PTPRN2: variants seen among roughly 807,000 people sequenced by gnomAD.
PTPRN2 encodes the protein protein tyrosine phosphatase receptor type N2.
In PTPRN2, 74 loss-of-function variants were observed where a neutral mutation model predicts 118.8. The observed-to-expected ratio is 0.62, with a 90% confidence interval of 0.52 to 0.76. The LOEUF (loss-of-function observed/expected upper bound fraction) is 0.76, where lower values mean the gene tolerates loss of function less well. PTPRN2 is among the 30% of genes least tolerant of loss of function. The pLI, the probability that PTPRN2 is intolerant of heterozygous loss-of-function variation, is 0.00. For missense variants in PTPRN2, 1,481 were observed against 1,394.4 expected (o/e 1.06, Z -0.99); for synonymous variants, 641 against 608.0 (o/e 1.05, Z -0.80).
At chr7:157,877,405 C>G (rs754383781) in intron 12 of PTPRN2, among the ~76,000 whole-genome samples, 2 of 150,924 alleles carry the variant, frequency 1.3e-5, no homozygotes, top group Non-Finnish European at 3.0e-5. Flanking sequence ...AGTGCAGCGC[C>G]AGGGTTTCCT....
Position 158,543,838 on chromosome 7 carries a change from G to A in PTPRN2, c.112+43720C>T, listed in dbSNP as rs1016330173. Among the ~76,000 whole-genome samples, 12 of 152,274 alleles carry A rather than the reference G, an allele frequency of 7.9e-5. No homozygotes were observed. In the South Asian group the frequency reaches 1.0e-3, roughly 13 times the overall value. On this transcript the variant is annotated intron_variant, in intron 1 of 22. Coordinates refer to ENST00000389418, the MANE Select transcript of PTPRN2 (RefSeq NM_002847.5). ...TGAGACCGGATCTTGTCTGGGTCTC[G>A]GAGCCCAGGACAAGGAAAGGGGTCA...
intron 12 of PTPRN2, among the ~76,000 whole-genome samples, chr7:157,686,022 G>C (rs1797172057): frequency 6.6e-6 from 1 of 152,224 alleles, no homozygotes; most frequent in Non-Finnish European, 1.5e-5. Context: ...GCGCGGGGCC[G>C]CGGGACCTGG....
In PTPRN2 at chr7:158,330,689, T is replaced by A. The variant is rs1222793662; in HGVS notation, c.164-13757A>T. On this transcript the variant is annotated intron_variant, in intron 2 of 22. Transcript: ENST00000389418. ...CAATAAGAGCTGAGGCACAAAGAGG[T>A]CACTCACATCCATACTCTCACCATA... is the stretch of plus-strand genomic sequence containing the variant. Among the ~76,000 whole-genome samples the A allele has an allele frequency of 1.8e-5, 2 of 110,236 alleles. 1 individual carries two copies. Among genetic ancestry groups the A allele is most frequent in the African/African-American group, 5.7e-5 (2 of 34,916 alleles). The allele number at this position is 110,236 out of a possible 152,430, so 72.3% of individuals were successfully genotyped here.
intron 3 of PTPRN2, among the ~76,000 whole-genome samples, chr7:158,226,539 G>A (rs903672208): frequency 5.3e-5 from 8 of 152,270 alleles, no homozygotes; most frequent in Admixed American, 3.3e-4. Context: ...AAACGGAGGC[G>A]GCAGAGCAAG....
chr7:158,106,435 T>C (rs184809736), intron 10 of PTPRN2, among the ~76,000 whole-genome samples: 3 of 152,254 alleles, frequency 2.0e-5, no homozygotes, highest in African/African-American at 7.2e-5. Context: ...ATCACCTCCA[T>C]CCTTGGCTCC....
chr7:157,850,844 A>C (rs1329536420), intron 12 of PTPRN2, among the ~76,000 whole-genome samples: 3 of 152,230 alleles, frequency 2.0e-5, no homozygotes, highest in Non-Finnish European at 4.4e-5. Context: ...ATGCTGTGCC[A>C]CATCAATGTG....
At chr7:158,540,434 G>A (rs908383724) in intron 1 of PTPRN2, among the ~76,000 whole-genome samples, 2 of 152,068 alleles carry the variant, frequency 1.3e-5, no homozygotes, top group Admixed American at 6.5e-5. Flanking sequence ...GGCCCAGCTA[G>A]AGAGTCTATA....
intron 2 of PTPRN2, among the ~76,000 whole-genome samples, chr7:158,333,899 C>T (rs62480911): frequency 1.4e-3 from 169 of 124,260 alleles, no homozygotes; most frequent in African/African-American, 4.9e-3. Context: ...AGAGCTGACA[C>T]CCGCAGACGT....
At chr7:157,906,975 C>T (rs1294022370) in intron 11 of PTPRN2, among the ~76,000 whole-genome samples, 1 of 152,220 alleles carries the variant, frequency 6.6e-6, no homozygotes, top group Non-Finnish European at 1.5e-5. Context: ...GAACCAAAGA[C>T]TCTCACTCAG....
chr7:158,146,867 A>T (rs563550340), intron 6 of PTPRN2, among the ~76,000 whole-genome samples: 3 of 151,986 alleles, frequency 2.0e-5, no homozygotes, highest in South Asian at 2.1e-4. Context: ...TAGAACAAGC[A>T]AACAGTTTAC....
chr7:157,822,064 A>T (rs1279094311), intron 12 of PTPRN2, among the ~76,000 whole-genome samples: 1 of 151,682 alleles, frequency 6.6e-6, no homozygotes, highest in Non-Finnish European at 1.5e-5. Flanking sequence ...TCACTCATCC[A>T]TCCATCTATA....
chr7:158,414,593 C>T (rs749991210), intron 2 of PTPRN2, among the ~76,000 whole-genome samples: 1 of 152,216 alleles, frequency 6.6e-6, no homozygotes, highest in Non-Finnish European at 1.5e-5. Flanking sequence ...GAAGCTGGCA[C>T]GAGCTCACAT....
chr7:158,285,860 C>G (rs1799734891), intron 3 of PTPRN2, among the ~76,000 whole-genome samples: 1 of 152,212 alleles, frequency 6.6e-6, no homozygotes, highest in Non-Finnish European at 1.5e-5. Flanking sequence ...TACCTGTGTC[C>G]ACACCCCTCA....
chr7:158,188,880 T>G (rs1269530345), intron 5 of PTPRN2, among the ~76,000 whole-genome samples: 1 of 152,142 alleles, frequency 6.6e-6, no homozygotes, highest in African/African-American at 2.4e-5. Context: ...TAAATACAAC[T>G]GGTTAGTGTG....
chr7:158,302,866 C>G (rs552518471), intron 3 of PTPRN2, among the ~76,000 whole-genome samples: 2 of 152,228 alleles, frequency 1.3e-5, no homozygotes, highest in South Asian at 4.1e-4. Context: ...TATGAGAGAA[C>G]TTGGAACAGT....
At position 157,550,071 on chromosome 7, in the gene PTPRN2, T is replaced by A. The variant is rs1798518363; in HGVS notation, c.2903-1052A>T. On this transcript the variant is annotated intron_variant, in intron 21 of 22. Transcript: ENST00000389418. This position sits in a 1 kb window ranked among gnomAD's most constrained non-coding sequence, Gnocchi z 5.2. ...GGCCGAAGACCTGAGGAGGCCCGGG[T>A]GGCCCAGAGTCAGGTGGTCCCCAGG... is the stretch of plus-strand genomic sequence containing the variant. Among the ~76,000 whole-genome samples, 1 of 152,170 alleles carries A rather than the reference T, an allele frequency of 6.6e-6. No individual in the cohort carries two copies. Among genetic ancestry groups the A allele is most frequent in the South Asian group, 2.1e-4 (1 of 4,830 alleles).
chr7:158,051,463 A>G (rs1247753177), intron 11 of PTPRN2, among the ~76,000 whole-genome samples: 1 of 152,176 alleles, frequency 6.6e-6, no homozygotes, highest in Admixed American at 6.5e-5. Flanking sequence ...AAGGCCTCAC[A>G]TACCCTCCCT....
chr7:158,147,859 C>T (rs984407539), intron 6 of PTPRN2, among the ~76,000 whole-genome samples: 5 of 135,354 alleles, frequency 3.7e-5, no homozygotes, highest in East Asian at 2.2e-4. Flanking sequence ...CGTGTCTTTC[C>T]CCTTCAATGA....
chr7:158,052,933 C>T (rs1809447878), intron 11 of PTPRN2, among the ~76,000 whole-genome samples: 1 of 152,170 alleles, frequency 6.6e-6, no homozygotes, highest in African/African-American at 2.4e-5. Context: ...CTGGCCAGTG[C>T]CGCCCTTCTG....
Sources: gnomAD v4.1 joint callset for allele counts (sites outside exome capture counted in the v4.1 genomes callset) on GRCh38, gnomAD v4.1.1 for gene constraint, Gnocchi (gnomAD v3.1) non-coding constraint, MANE v1.5 for transcripts, NCBI Gene and HGNC (gene_info 2026-07-23, HGNC 2026-07-21) for gene names.